ACSL6: variants seen among roughly 807,000 people sequenced by gnomAD.
ACSL6 encodes long-chain-fatty-acid--CoA ligase 6.
A neutral mutation model predicts 98.2 loss-of-function variants in ACSL6; 47 were observed. The observed-to-expected ratio is 0.48, with a 90% confidence interval of 0.38 to 0.61. The LOEUF is 0.61. Among genes scored for constraint, ACSL6 ranks in the 20% least tolerant of loss-of-function variants. The pLI is 0.00. For synonymous variants in ACSL6, 362 were observed against 336.9 expected, an observed-to-expected ratio of 1.07 and a Z score of -0.82; for missense variants, 761 against 913.4, an observed-to-expected ratio of 0.83 and a Z score of 2.15.
Position 131,951,259 on chromosome 5 carries a change from C to A in ACSL6, c.*2975G>T. ...CAATGCCCAATATGAATGTGACCATCGTAAGTACATCACCTTTTTCTATCT... is the reference window on the plus strand; with the variant it reads ...CAATGCCCAATATGAATGTGACCATAGTAAGTACATCACCTTTTTCTATCT... On this transcript the variant is annotated 3_prime_UTR_variant, in exon 21 of 21. Transcript: ENST00000651883. 4.7e-6 allele frequency: 1 copy of A among 210,816 alleles called. No homozygotes were observed. Among genetic ancestry groups the A allele is most frequent in the Non-Finnish European group, 9.6e-6 (1 of 103,994 alleles). 13.1% of individuals were successfully genotyped at this position (210,816 alleles called of 1,614,324 possible).
chr5:131,960,500 G>A lies in ACSL6; in HGVS notation c.1959+20C>T, dbSNP rs1271647122. 2 of 1,599,578 alleles carry A rather than the reference G, an allele frequency of 1.3e-6. No homozygotes were observed. The highest frequency in any genetic ancestry group is 1.3e-5 in the African/African-American group (1 of 74,412). Reference sequence around the variant, plus strand: ...TAAAACATTCAGTAACCTTTCAGGAGACAGCCCCAAGATACCAACCTTATT... The same window carrying A: ...TAAAACATTCAGTAACCTTTCAGGAAACAGCCCCAAGATACCAACCTTATT... On this transcript the variant is annotated intron_variant, in intron 19 of 20. Coordinates refer to ENST00000651883, the MANE Select transcript of ACSL6 (RefSeq NM_001009185.3).
intron 9 of ACSL6, chr5:131,985,083 G>A: frequency 2.8e-6 from 1 of 351,830 alleles, no homozygotes; most frequent in Non-Finnish European, 5.5e-6. Context: ...AGGGGAGTGA[G>A]AGCTGTTTAC....
chr5:131,986,929 T>A, intron 7 of ACSL6, 75 bp from the exon 8 acceptor site: 1 of 1,525,254 alleles, frequency 6.6e-7, no homozygotes, highest in Non-Finnish European at 9.0e-7. Context: ...TGTCTCTGTC[T>A]CTTTCTCTCA....
rs1386731744 is a variant in ACSL6, at chr5:131,994,203, C to T, written c.98G>A (p.Arg33Lys). 6.2e-7 allele frequency: 1 copy of T among 1,614,080 alleles called. No homozygotes were observed. Among genetic ancestry groups the T allele is most frequent in the Admixed American group, 1.7e-5 (1 of 60,012 alleles). Residue 33 changes from arginine (R) to lysine (K), a missense_variant, in exon 2 of 21, where the codon AGG becomes AAG. By Grantham distance (26) the Arg-to-Lys change is conservative. Transcript: ENST00000651883. Reference protein sequence around the residue: ...LEKMQTQEILRILRLPELGDL... With the variant: ...LEKMQTQEILKILRLPELGDL... ...ACCTAGCTCAGGCAGTCGCAGTATCCTCAGGATCTCCTGTGTCTGCATCTT... is the reference window on the plus strand; with the variant it reads ...ACCTAGCTCAGGCAGTCGCAGTATCTTCAGGATCTCCTGTGTCTGCATCTT...
chr5:131,968,467 A>C (rs559695231), intron 15 of ACSL6, among the ~76,000 whole-genome samples: 9 of 152,300 alleles, frequency 5.9e-5, no homozygotes, highest in Admixed American at 1.3e-4. Flanking sequence ...GTTGATTACT[A>C]TGCTGGAAAT....
Position 131,950,565 on chromosome 5 carries a change from C to T in ACSL6, c.*3669G>A, listed in dbSNP as rs150809549. The T allele has an allele frequency of 4.0e-3, 800 of 197,840 alleles. 10 individuals are homozygous for T. Among genetic ancestry groups the T allele is most frequent in the African/African-American group, 0.017 (748 of 43,472 alleles). 12.3% of individuals were successfully genotyped at this position (197,840 alleles called of 1,614,324 possible). On this transcript the variant is annotated 3_prime_UTR_variant, in exon 21 of 21. Coordinates refer to ENST00000651883, the MANE Select transcript of ACSL6 (RefSeq NM_001009185.3). ...ATTTATAGTTTACCAATTTTATATACGGTTATTCATTCTTTTTTTCCTGAG... is the reference window on the plus strand; with the variant it reads ...ATTTATAGTTTACCAATTTTATATATGGTTATTCATTCTTTTTTTCCTGAG...
chr5:132,008,406 A>T (rs925234589), intron 1 of ACSL6, among the ~76,000 whole-genome samples: 1 of 152,196 alleles, frequency 6.6e-6, no homozygotes, highest in African/African-American at 2.4e-5. Context: ...TCGCCCCACC[A>T]GGGCCAGCCC....
intron 5 of ACSL6, 90 bp downstream of exon 5, chr5:131,989,317 G>A (rs1344661230): frequency 8.1e-7 from 1 of 1,238,538 alleles, no homozygotes; most frequent in South Asian, 1.3e-5. Context: ...TTTTGTCCTG[G>A]GCCCTACAAA....
At chr5:131,958,984 G>A (rs916073147) in intron 20 of ACSL6, among the ~76,000 whole-genome samples, 9 of 151,860 alleles carry the variant, frequency 5.9e-5, no homozygotes, top group Middle Eastern at 3.2e-3. Context: ...ATGTAAGTCA[G>A]AGTAAGTATG....
chr5:131,974,649 C>A, intron 11 of ACSL6: 1 of 1,272,986 alleles, frequency 7.9e-7, no homozygotes. Context: ...ATGGTACCTT[C>A]TGAGGACAGG....
chr5:131,983,654 G>C (rs1200737554), intron 9 of ACSL6: 1 of 152,334 alleles, frequency 6.6e-6, no homozygotes, highest in Non-Finnish European at 1.5e-5. Context: ...CAAGTGCACA[G>C]CCAGATGGGG....
chr5:131,970,322 G>A, intron 14 of ACSL6, 122 bp from the exon 15 acceptor site: 2 of 784,026 alleles, frequency 2.6e-6, no homozygotes, highest in Non-Finnish European at 4.3e-6. Flanking sequence ...CAGGGCGATG[G>A]AGGGAGGGAG....
intron 10 of ACSL6, among the ~76,000 whole-genome samples, chr5:131,976,403 C>G (rs1753612617): frequency 6.6e-6 from 1 of 152,092 alleles, no homozygotes; most frequent in African/African-American, 2.4e-5. Context: ...TTTCTGGGAT[C>G]TTAGTACTCC....
At chr5:131,962,925 C>A (rs1315997537) in intron 17 of ACSL6, among the ~76,000 whole-genome samples, 1 of 152,040 alleles carries the variant, frequency 6.6e-6, no homozygotes, top group Admixed American at 6.5e-5. Flanking sequence ...CAGCAGTTAG[C>A]CCCCCACACA....
In ACSL6 at chr5:131,988,074, C is replaced by T. The variant is rs770601428; in HGVS notation, c.805G>A (p.Val269Ile). 1 of 1,614,130 alleles carries T rather than the reference C, an allele frequency of 6.2e-7. No homozygotes were observed. The highest frequency in any genetic ancestry group is 2.2e-5 in the East Asian group (1 of 44,886). Residue 269 changes from valine (V) to isoleucine (I), a missense_variant, in exon 7 of 21, where the codon GTC (valine) becomes ATC (isoleucine). Val to Ile is a conservative substitution (Grantham distance 29). Coordinates refer to ENST00000651883, the MANE Select transcript of ACSL6 (RefSeq NM_001009185.3). ...LKERGQKCGV[V>I]IKSMQAVEDC... ...TCCACGGCCTGCATGGACTTAATGA[C>T]CACCCCGCACTTCTGCCCTCTCTCT...
intron 18 of ACSL6, among the ~76,000 whole-genome samples, chr5:131,961,537 A>T (rs1000849949): frequency 3.4e-5 from 5 of 148,562 alleles, no homozygotes; most frequent in Admixed American, 6.7e-5. Context: ...TACTAAAAAT[A>T]AAAAAAAAAT....
chr5:131,985,388 T>C lies in ACSL6; in HGVS notation c.916+19A>G. The C allele has an allele frequency of 6.2e-7, 1 of 1,614,018 alleles. No homozygotes were observed. The highest frequency in any genetic ancestry group is 1.1e-5 in the South Asian group (1 of 91,076). ...GGGTGCAGGTAGCCATGGCTGGGGA[T>C]CTGCGTGCCTCTGCTTACCTGTCGT... On this transcript the variant is annotated intron_variant, in intron 9 of 20. Coordinates refer to ENST00000651883, the MANE Select transcript of ACSL6 (RefSeq NM_001009185.3).
Position 131,994,061 on chromosome 5 carries a change from G to A in ACSL6, c.240C>T (p.Cys80=). The A allele has an allele frequency of 6.2e-7, 1 of 1,614,058 alleles. No homozygotes were observed. The highest frequency in any genetic ancestry group is 8.5e-7 in the Non-Finnish European group (1 of 1,180,032). ...CTTCTTCTGACTGCATCAGGAGGTT[G>A]CATGGCGGCTGCAAGGCCTTTGGCC... ...THRPKALQPP[C]NLLMQSEEVE... The change falls in exon 2 of 21, where the codon TGC becomes TGT. Residue 80 remains cysteine (C), a synonymous_variant. Coordinates refer to ENST00000651883, the MANE Select transcript of ACSL6 (RefSeq NM_001009185.3).
rs115877844 is a variant in ACSL6, at chr5:131,979,824, G to A, written c.917-3103C>T. On this transcript the variant is annotated intron_variant, in intron 9 of 20. Transcript: ENST00000651883. ...CTACCCAGGCCGCCAATGTCTCAGCGGTATGAGACCCACTGTCTATTTCCC... is the reference window on the plus strand; with the variant it reads ...CTACCCAGGCCGCCAATGTCTCAGCAGTATGAGACCCACTGTCTATTTCCC... 4.0e-3 allele frequency among the ~76,000 whole-genome samples: 613 copies of A among 152,260 alleles called. 1 individual carries two copies. The highest frequency in any genetic ancestry group is 0.014 in the African/African-American group (572 of 41,540).
Sources: gnomAD v4.1 joint callset for allele counts (sites outside exome capture counted in the v4.1 genomes callset) on GRCh38, gnomAD v4.1.1 for gene constraint, MANE v1.5 for transcripts, NCBI Gene and HGNC (gene_info 2026-07-23, HGNC 2026-07-21) for gene names.